Variants in CDH23 observed in about 807,000 individuals in gnomAD.
CDH23 encodes cadherin-23.
A neutral mutation model predicts 317.1 loss-of-function variants in CDH23; 189 were observed. The ratio of observed to expected loss-of-function variants is 0.60; its 90% CI spans 0.53 to 0.67. The LOEUF (loss-of-function observed/expected upper bound fraction) is 0.67, where lower values mean the gene tolerates loss of function less well. Ranked by LOEUF, CDH23 falls within the 30% of genes least tolerant of loss-of-function variation. CDH23 has a pLI of 0.00. For synonymous variants in CDH23, 1,839 were observed against 1,876.8 expected (o/e 0.98, Z 0.52); for missense variants, 4,401 against 4,592.4 (o/e 0.96, Z 1.20).
rs727505054 is a variant in CDH23 at position 71,785,062 on chromosome 10, G to T, written c.5674G>T (p.Ala1892Ser). 3 of 1,614,090 alleles carry T rather than the reference G, an allele frequency of 1.9e-6. No individual in the cohort carries two copies. In the Admixed American group the frequency reaches 5.0e-5, roughly 27 times the overall value. ...TGCACGCCTCACCTTCAACATCACT[G>T]CGGGCAACCGCGAGCGGGCCTTCTT... ...CNARLTFNIT[A>S]GNRERAFFIN... The change falls in exon 43 of 70, where the codon GCG becomes TCG. Residue 1892 changes from alanine (A) to serine (S), a missense_variant. Ala to Ser is a moderately conservative substitution (Grantham distance 99). Transcript: ENST00000224721.
At chr10:71,530,034 G>GACACACACACACACAC (rs57652121) in intron 6 of CDH23, among the ~76,000 whole-genome samples, 3,614 of 140,834 alleles carry the variant, frequency 0.026, 60 homozygotes, top group African/African-American at 0.03. Flanking sequence ...CACACATACA[G>GACACACACACACACAC]ACACACACAC....
At chr10:71,755,572 T>C in intron 38 of CDH23, 5 of 1,032,136 alleles carry the variant, frequency 4.8e-6, no homozygotes, top group Non-Finnish European at 7.2e-6. Context: ...AGACCCGCCT[T>C]TCCCCAGAGT....
chr10:71,673,224 C>T (rs1310669777), intron 14 of CDH23, among the ~76,000 whole-genome samples: 1 of 152,354 alleles, frequency 6.6e-6, no homozygotes, highest in East Asian at 1.9e-4. Flanking sequence ...GCCCTGCCCT[C>T]GTCCTTCCCC....
At chr10:71,671,679 G>C (rs1864153888) in intron 14 of CDH23, among the ~76,000 whole-genome samples, 2 of 152,104 alleles carry the variant, frequency 1.3e-5, no homozygotes, top group Admixed American at 1.3e-4. Flanking sequence ...CAGGTGGGCG[G>C]TGGAGCAGCC....
At chr10:71,644,171 A>G (rs1007759074) in intron 12 of CDH23, among the ~76,000 whole-genome samples, 5 of 152,176 alleles carry the variant, frequency 3.3e-5, no homozygotes, top group Non-Finnish European at 7.4e-5. Context: ...GGCCCAGAGG[A>G]GCCTTGCCCC....
At chr10:71,541,990 C>T (rs780091135) in intron 6 of CDH23, among the ~76,000 whole-genome samples, 2 of 152,202 alleles carry the variant, frequency 1.3e-5, no homozygotes, top group Non-Finnish European at 2.9e-5. Context: ...ATTTGGCCCA[C>T]AGACCATAGT....
At chr10:71,601,038 G>GT (rs1860186846) in intron 9 of CDH23, among the ~76,000 whole-genome samples, 1 of 152,108 alleles carries the variant, frequency 6.6e-6, no homozygotes, top group South Asian at 2.1e-4. Flanking sequence ...CAAATCTGTA[G>GT]TTTTTTTCCT....
In CDH23 at chr10:71,432,369, GTGTT is replaced by G. The variant is rs200271920; in HGVS notation, c.-5-7455_-5-7452del. 7.4e-3 allele frequency among the ~76,000 whole-genome samples: 1,110 copies of G among 149,006 alleles called. 23 individuals carry two copies. Among genetic ancestry groups the G allele is most frequent in the South Asian group, 0.069 (321 of 4,642 alleles). On this transcript the variant is annotated intron_variant, in intron 1 of 69. Transcript: ENST00000224721. ...TGTGTGAGTGTGAGAGTCTGGGTGTGTGTTTGAGAGTGTGTGAGTTGTGTGGTGT... is the reference window on the plus strand; with the variant it reads ...TGTGTGAGTGTGAGAGTCTGGGTGTGTGAGAGTGTGTGAGTTGTGTGGTGT...
At chr10:71,547,514 G>C (rs1856349115) in intron 6 of CDH23, among the ~76,000 whole-genome samples, 1 of 152,240 alleles carries the variant, frequency 6.6e-6, no homozygotes, top group Admixed American at 6.5e-5. Context: ...CCACTGTGGA[G>C]TTACTGGAGG....
In CDH23 at chr10:71,785,521, A is replaced by G. The variant is rs886882116; in HGVS notation, c.5713-110A>G. On this transcript the variant is annotated intron_variant, in intron 43 of 69. Transcript: ENST00000224721. Reference sequence around the variant, plus strand: ...CCGACCCACATTTTTGGCCTTCTAGATCATCTCTTAGGCAATTTAGGGAGG... The same window carrying G: ...CCGACCCACATTTTTGGCCTTCTAGGTCATCTCTTAGGCAATTTAGGGAGG... 1.4e-4 allele frequency: 103 copies of G among 738,626 alleles called. 1 individual carries two copies. The Admixed American group carries it at 2.2e-3, about 16-fold the overall frequency. 45.8% of individuals were successfully genotyped at this position (738,626 alleles called of 1,614,324 possible).
At chr10:71,489,594 GGTGTGTGTGTGTGTGTGTGTGTGTGT>G (rs34392048) in intron 3 of CDH23, among the ~76,000 whole-genome samples, 1 of 139,802 alleles carries the variant, frequency 7.2e-6, no homozygotes. Context: ...AGTGCCTCGG[GGTGTGTGTGTGTGTGTGTGTGTGTGT>G]GTGTGTGTGT....
intron 3 of CDH23, among the ~76,000 whole-genome samples, chr10:71,467,103 A>G (rs1851291158): frequency 1.3e-5 from 2 of 152,118 alleles, no homozygotes; most frequent in South Asian, 4.1e-4. Context: ...AAGAGCTGCA[A>G]GGAGGGGCTG....
intron 3 of CDH23, among the ~76,000 whole-genome samples, chr10:71,496,079 G>C (rs886141669): frequency 6.6e-6 from 1 of 152,150 alleles, no homozygotes; most frequent in African/African-American, 2.4e-5. Context: ...TAACCGGGTG[G>C]TTCTTAACTT....
At chr10:71,508,625 T>C (rs1434170472) in intron 3 of CDH23, among the ~76,000 whole-genome samples, 1 of 152,232 alleles carries the variant, frequency 6.6e-6, no homozygotes, top group East Asian at 1.9e-4. Flanking sequence ...TTTCTTTCTA[T>C]CTAGCTTGAT....
intron 14 of CDH23, among the ~76,000 whole-genome samples, chr10:71,666,091 C>A (rs1034421709): frequency 5.3e-5 from 8 of 152,016 alleles, no homozygotes; most frequent in Admixed American, 4.6e-4. Flanking sequence ...GGGAAGGTCC[C>A]CTTCCCTTTC....
intron 8 of CDH23, among the ~76,000 whole-genome samples, chr10:71,574,532 T>TC (rs1213445227): frequency 6.6e-6 from 1 of 151,772 alleles, no homozygotes; most frequent in East Asian, 1.9e-4. Context: ...ACCAGCCTGC[T>TC]CCCCCCAAGG....
intron 11 of CDH23, among the ~76,000 whole-genome samples, chr10:71,619,279 G>A (rs1224343377): frequency 1.3e-5 from 2 of 150,888 alleles, no homozygotes; most frequent in East Asian, 3.9e-4. Flanking sequence ...AGGGTGCAGT[G>A]AGCAGAGATT....
chr10:71,660,870 C>T (rs904955376), intron 14 of CDH23, among the ~76,000 whole-genome samples: 1 of 152,120 alleles, frequency 6.6e-6, no homozygotes, highest in African/African-American at 2.4e-5. Context: ...AAGTGCTTAG[C>T]CCAATGCCTG....
At chr10:71,651,366 CAA>C (rs34501770) in intron 14 of CDH23, among the ~76,000 whole-genome samples, 3,609 of 100,362 alleles carry the variant, frequency 0.036, 182 homozygotes, top group African/African-American at 0.13. Context: ...CCTGTCTCTG[CAA>C]AAAAAAAAAA....
Sources: allele counts gnomAD v4.1 joint callset (sites outside exome capture counted in the v4.1 genomes callset), GRCh38; gene constraint gnomAD v4.1.1; transcripts MANE v1.5; gene names NCBI Gene and HGNC (gene_info 2026-07-23, HGNC 2026-07-21).